SMPD4: variants seen among roughly 807,000 people sequenced by gnomAD.
SMPD4 encodes neutral sphingomyelinase 3.
In SMPD4, 58 loss-of-function variants were observed where a neutral mutation model predicts 97.8. The observed-to-expected ratio is 0.59, with a 90% CI of 0.48 to 0.74. The LOEUF (loss-of-function observed/expected upper bound fraction) is 0.74, where lower values mean the gene tolerates loss of function less well. Ranked by LOEUF, SMPD4 falls within the 30% of genes least tolerant of loss-of-function variation. The pLI is 0.00. For missense variants in SMPD4, 853 were observed against 1,080.5 expected, an observed-to-expected ratio of 0.79 and a Z score of 2.95; for synonymous variants, 388 against 450.0, an observed-to-expected ratio of 0.86 and a Z score of 1.74.
intron 4 of SMPD4, 41 bp from the exon 5 acceptor site, chr2:130,173,395 T>C (rs1688662633): frequency 6.2e-7 from 1 of 1,607,032 alleles, no homozygotes. Context: ...ACAGGGCAAA[T>C]GAACTGCGAA....
chr2:130,157,117 C>G, intron 12 of SMPD4, 134 bp downstream of exon 12: 1 of 707,350 alleles, frequency 1.4e-6, no homozygotes, highest in Non-Finnish European at 2.4e-6. Flanking sequence ...GGAGAGGCCT[C>G]ACGTGCTCTG....
At chr2:130,172,726 C>T (rs182453489) in intron 6 of SMPD4, 49 bp from the exon 7 acceptor site, 29 of 1,614,128 alleles carry the variant, frequency 1.8e-5, no homozygotes, top group South Asian at 6.6e-5. Flanking sequence ...AGCCACCCCC[C>T]GCTCAGTGTC....
chr2:130,158,097 G>C (rs933138276), intron 11 of SMPD4: 19 of 860,756 alleles, frequency 2.2e-5, no homozygotes, highest in African/African-American at 1.6e-4. Context: ...CTAGGATCGT[G>C]CCACTGCACT....
Position 130,152,445 on chromosome 2 carries a change from G to T in SMPD4, c.*110C>A. ...CGGCTGCAGGAACCCCGCTCCAGAA[G>T]CCCGAGGATGACCGTGTTCCCTCCT... On this transcript the variant is annotated 3_prime_UTR_variant, in exon 20 of 20. Coordinates refer to ENST00000680298, the MANE Select transcript of SMPD4 (RefSeq NM_017951.5). 1.6e-6 allele frequency: 2 copies of T among 1,248,574 alleles called. No individual in the cohort carries two copies. Among genetic ancestry groups the T allele is most frequent in the Non-Finnish European group, 2.2e-6 (2 of 919,120 alleles). The allele number at this position is 1,248,574 out of a possible 1,614,324, so 77.3% of individuals were successfully genotyped here.
chr2:130,158,041 AG>A (rs1419649832), intron 11 of SMPD4: 1 of 414,754 alleles, frequency 2.4e-6, no homozygotes, highest in East Asian at 9.0e-5. Flanking sequence ...TCAGGAGGCT[AG>A]GGTGGGAGGA....
In SMPD4 at chr2:130,154,662, G is replaced by T. The variant is rs750888967; in HGVS notation, c.1454-180C>A. 1.1e-5 allele frequency: 8 copies of T among 743,180 alleles called. No individual in the cohort carries two copies. The South Asian group carries it at 1.1e-4, about 10-fold the overall frequency. The allele number at this position is 743,180 out of a possible 1,614,324, so 46.0% of individuals were successfully genotyped here. The stretch of plus-strand genomic sequence containing the variant: ...GGTGGCTGACATGGGGAGGGCGGAT[G>T]GGGGAGCTGCTGGCTCACAGAGCCC... On this transcript the variant is annotated intron_variant, in intron 15 of 19. Coordinates refer to ENST00000680298, the MANE Select transcript of SMPD4 (RefSeq NM_017951.5).
intron 11 of SMPD4, chr2:130,158,340 C>CAACG: frequency 3.4e-6 from 3 of 890,616 alleles, no homozygotes; most frequent in Non-Finnish European, 4.5e-6. Flanking sequence ...TTTCTTGAGA[C>CAACG]AACGTCTCCC....
chr2:130,152,848 C>G lies in SMPD4; in HGVS notation c.2191G>C (p.Asp731His). 6.3e-7 allele frequency: 1 copy of G among 1,592,464 alleles called. No individual in the cohort carries two copies. Among genetic ancestry groups the G allele is most frequent in the Non-Finnish European group, 8.6e-7 (1 of 1,167,558 alleles). ...TAGCGACAGAAGCTGCCGAGGAAGT[C>G]ATCCCGGGAACACAGAGCCGCCATC... ...GQMAALCSRD[D>H]FLGSFCRYHL... Residue 731 changes from aspartate (D) to histidine (H), a missense_variant, in exon 20 of 20, where the codon GAC becomes CAC. Physicochemically the swap from Asp to His is moderately conservative, Grantham distance 81 (BLOSUM62 -1). Transcript: ENST00000680298.
intron 1 of SMPD4, among the ~76,000 whole-genome samples, chr2:130,180,561 G>C (rs1689473357): frequency 6.6e-6 from 1 of 152,208 alleles, no homozygotes; most frequent in Non-Finnish European, 1.5e-5. Flanking sequence ...GTGAGTCACC[G>C]CTCCCGGCCT....
intron 11 of SMPD4, among the ~76,000 whole-genome samples, chr2:130,159,295 A>G (rs1241912240): frequency 6.6e-6 from 1 of 151,868 alleles, no homozygotes; most frequent in African/African-American, 2.4e-5. Flanking sequence ...GTGGCTGGCT[A>G]TTTTTCTCTA....
chr2:130,155,823 A>G (rs1400135524), intron 14 of SMPD4, among the ~76,000 whole-genome samples: 9 of 152,218 alleles, frequency 5.9e-5, no homozygotes, highest in Middle Eastern at 3.4e-3. Context: ...CACAGCTTCC[A>G]TAAGAAACCA....
At chr2:130,155,363 A>G in intron 14 of SMPD4, 104 bp from the exon 15 acceptor site, 1 of 1,455,314 alleles carries the variant, frequency 6.9e-7, no homozygotes, top group South Asian at 1.3e-5. Flanking sequence ...GGGCTTTCAG[A>G]CTCTCCTTAG....
At chr2:130,181,363 G>A (rs1197494548) in intron 1 of SMPD4, 167 bp downstream of exon 1, 2 of 1,441,794 alleles carry the variant, frequency 1.4e-6, no homozygotes. Flanking sequence ...AGGGGTGGCA[G>A]AAGACTCAAC....
Position 130,153,872 on chromosome 2 carries a change from A to G in SMPD4, c.1723T>C (p.Cys575Arg). The G allele has an allele frequency of 1.9e-6, 3 of 1,613,854 alleles. No homozygotes were observed. In the South Asian group the frequency reaches 3.3e-5, roughly 18 times the overall value. ...KHTAKSISDQ[C>R]AESPAGHSFL... ...GAGTGGCCAGCCGGGCTCTCCGCAC[A>G]CTGGTCGGAGATGGACTTGGCTGTG... The change falls in exon 17 of 20, where the codon TGT becomes CGT. Residue 575 changes from cysteine (C) to arginine (R), a missense_variant. Physicochemically the swap from Cys to Arg is radical, Grantham distance 180. Coordinates refer to ENST00000680298, the MANE Select transcript of SMPD4 (RefSeq NM_017951.5).
At chr2:130,170,990 G>T (rs1429852904) in intron 8 of SMPD4, among the ~76,000 whole-genome samples, 3 of 152,008 alleles carry the variant, frequency 2.0e-5, no homozygotes, top group Non-Finnish European at 4.4e-5. Flanking sequence ...GAACCCAGGA[G>T]ATGGAGGTTG....
rs1335347028 is a variant in SMPD4, at chr2:130,172,483, G to C, written c.525C>G (p.Leu175=). 6.2e-7 allele frequency: 1 copy of C among 1,611,724 alleles called. No individual in the cohort carries two copies. The highest frequency in any genetic ancestry group is 8.5e-7 in the Non-Finnish European group (1 of 1,178,394). ...AGGCACAGTCTGAAGTACGGACGTG[G>C]AGGGACACAGGAAGTGGCTGGAAAA... is the stretch of plus-strand genomic sequence containing the variant. ...LITQKPLPVS[L]HVRTSDCAYF... is the part of the protein sequence containing the mutation. Residue 175 remains leucine (L), a synonymous_variant, in exon 8 of 20, where the codon CTC becomes CTG. Coordinates refer to ENST00000680298, the MANE Select transcript of SMPD4 (RefSeq NM_017951.5).
At position 130,152,501 on chromosome 2, in the gene SMPD4, G is replaced by C. The variant is rs1686324771; in HGVS notation, c.*54C>G. 1 of 1,482,716 alleles carries C rather than the reference G, an allele frequency of 6.7e-7. No homozygotes were observed. The highest frequency in any genetic ancestry group is 9.1e-7 in the Non-Finnish European group (1 of 1,101,804). The allele number at this position is 1,482,716 out of a possible 1,614,324, so 91.8% of individuals were successfully genotyped here. On this transcript the variant is annotated 3_prime_UTR_variant, in exon 20 of 20. Transcript: ENST00000680298. Reference sequence around the variant, plus strand: ...GGCTTCCCAGGTCCTCTCAGCCCAAGGGTGGGGCTGTGTGGCAAATCCCTC... The same window carrying C: ...GGCTTCCCAGGTCCTCTCAGCCCAACGGTGGGGCTGTGTGGCAAATCCCTC...
chr2:130,179,920 A>AGAG (rs1193517322), intron 1 of SMPD4, among the ~76,000 whole-genome samples: 1 of 147,178 alleles, frequency 6.8e-6, no homozygotes, highest in Non-Finnish European at 1.5e-5. Flanking sequence ...CCCAAAGTGC[A>AGAG]GAGATTACAG....
In SMPD4 at chr2:130,174,861, C is replaced by G. The variant is rs1481904233; in HGVS notation, c.126+53G>C. 4 of 1,351,808 alleles carry G rather than the reference C, an allele frequency of 3.0e-6. No homozygotes were observed. In the East Asian group the frequency reaches 9.3e-5, roughly 32 times the overall value. 83.7% of individuals were successfully genotyped at this position (1,351,808 alleles called of 1,614,324 possible). ...GGAAATTAGGAATTATAATAAAGTT[C>G]TTCAACGAATGTATAAGACATGCTC... On this transcript the variant is annotated intron_variant, in intron 3 of 19. Transcript: ENST00000680298.
Sources: gnomAD v4.1 joint callset for allele counts (sites outside exome capture counted in the v4.1 genomes callset) on GRCh38, gnomAD v4.1.1 for gene constraint, MANE v1.5 for transcripts, NCBI Gene and HGNC (gene_info 2026-07-23, HGNC 2026-07-21) for gene names.